Variants in SLC25A24 observed in about 807,000 individuals in gnomAD.
SLC25A24 encodes solute carrier family 25 member 24.
In SLC25A24, 49 loss-of-function variants were observed where a neutral mutation model predicts 60.7. The observed-to-expected ratio is 0.81, with a 90% CI of 0.64 to 1.02. SLC25A24 has a LOEUF of 1.02. Ranked by LOEUF, SLC25A24 falls within the 50% of genes least tolerant of loss-of-function variation. The pLI is 0.00. For synonymous variants in SLC25A24, 202 were observed against 200.6 expected, an observed-to-expected ratio of 1.01 and a Z score of -0.06; for missense variants, 564 against 586.3, an observed-to-expected ratio of 0.96 and a Z score of 0.39.
intron 1 of SLC25A24, among the ~76,000 whole-genome samples, chr1:108,186,820 A>C (rs1036089986): frequency 6.6e-6 from 1 of 151,942 alleles, no homozygotes; most frequent in African/African-American, 2.4e-5. Context: ...GCTCATTCCT[A>C]TAATCCCAGC....
Position 108,139,115 on chromosome 1 carries a change from A to C in SLC25A24, c.1192T>G (p.Cys398Gly). ...LLGCGALSST[C>G]GQLASYPLAL... is the part of the protein sequence containing the mutation. ...AATGGGTAGCTGGCCAGCTGACCAC[A>C]GGTGCTGGATAAGGCACCGCATCCC... The change falls in exon 9 of 10, where the codon TGT becomes GGT. Residue 398 changes from cysteine (C) to glycine (G), a missense_variant. By Grantham distance (159) the Cys-to-Gly change is radical (BLOSUM62 -3). Coordinates refer to ENST00000565488, the MANE Select transcript of SLC25A24 (RefSeq NM_013386.5). The C allele has an allele frequency of 6.2e-7, 1 of 1,610,278 alleles. No individual in the cohort carries two copies.
At chr1:108,159,983 C>T (rs1311217479) in intron 4 of SLC25A24, among the ~76,000 whole-genome samples, 1 of 152,156 alleles carries the variant, frequency 6.6e-6, no homozygotes, top group Non-Finnish European at 1.5e-5. Flanking sequence ...CTGTTGGGTA[C>T]ACCTCCCAGA....
At chr1:108,138,908 G>T in intron 9 of SLC25A24, 150 bp downstream of exon 9, 1 of 777,282 alleles carries the variant, frequency 1.3e-6, no homozygotes, top group Non-Finnish European at 1.9e-6. Flanking sequence ...AAGAATTTCT[G>T]AAAAGATTCC....
chr1:108,138,133 G>C (rs1023653570), intron 9 of SLC25A24, among the ~76,000 whole-genome samples: 10 of 152,336 alleles, frequency 6.6e-5, no homozygotes, highest in African/African-American at 2.4e-4. Context: ...TAACAAAAGA[G>C]GAGTTGGTTT....
intron 1 of SLC25A24, among the ~76,000 whole-genome samples, chr1:108,189,284 T>C (rs519129): frequency 0.73 from 111,314 of 152,080 alleles, 41,561 homozygotes; most frequent in African/African-American, 0.87. Flanking sequence ...TTTCACTCTC[T>C]ACAGTTTCAG....
chr1:108,145,564 T>C (rs1679565068), intron 7 of SLC25A24, among the ~76,000 whole-genome samples: 1 of 145,414 alleles, frequency 6.9e-6, no homozygotes, highest in African/African-American at 2.5e-5. Context: ...AAGACTTTAA[T>C]CTATCTTGAG....
chr1:108,183,607 T>G (rs1327293481), intron 2 of SLC25A24, among the ~76,000 whole-genome samples: 2 of 152,164 alleles, frequency 1.3e-5, no homozygotes, highest in African/African-American at 4.8e-5. Flanking sequence ...AACATTGAAT[T>G]TGGGGCAAAG....
At chr1:108,146,099 G>T (rs1679581387) in intron 7 of SLC25A24, among the ~76,000 whole-genome samples, 1 of 152,124 alleles carries the variant, frequency 6.6e-6, no homozygotes, top group Non-Finnish European at 1.5e-5. Context: ...TTGAGGAGTG[G>T]TTTGTAGTTC....
chr1:108,195,075 T>C (rs1648454702), intron 1 of SLC25A24, among the ~76,000 whole-genome samples: 2 of 152,238 alleles, frequency 1.3e-5, no homozygotes, highest in African/African-American at 2.4e-5. Context: ...CAAATATAGA[T>C]ACCTTGGTGG....
At chr1:108,185,441 A>G (rs1648086728) in intron 2 of SLC25A24, among the ~76,000 whole-genome samples, 1 of 152,226 alleles carries the variant, frequency 6.6e-6, no homozygotes, top group South Asian at 2.1e-4. Context: ...TTTAGATGAC[A>G]CAACTGTCAT....
chr1:108,154,877 T>C (rs1387403082), intron 6 of SLC25A24, 106 bp downstream of exon 6: 21 of 797,322 alleles, frequency 2.6e-5, no homozygotes, highest in Non-Finnish European at 4.1e-5. Context: ...TGTGAAAGAT[T>C]ATCATGTATT....
chr1:108,187,874 T>G (rs963343530), intron 1 of SLC25A24, among the ~76,000 whole-genome samples: 2 of 130,046 alleles, frequency 1.5e-5, no homozygotes, highest in African/African-American at 5.6e-5. Flanking sequence ...AACTCCTGTA[T>G]AAAATATTAG....
At chr1:108,170,766 C>T (rs1387144436) in intron 3 of SLC25A24, among the ~76,000 whole-genome samples, 1 of 151,588 alleles carries the variant, frequency 6.6e-6, no homozygotes, top group Non-Finnish European at 1.5e-5. Context: ...TTCAGTAAGA[C>T]TTTTATTTTG....
intron 3 of SLC25A24, among the ~76,000 whole-genome samples, chr1:108,168,033 TCATTTATTTATTGAATTA>T (rs1189316605): frequency 6.6e-6 from 1 of 152,202 alleles, no homozygotes; most frequent in Non-Finnish European, 1.5e-5. Flanking sequence ...AAGAAGGTGC[TCATTTATTTATTGAATTA>T]ATGGATGTCT....
chr1:108,164,450 A>T (rs1216889688), intron 3 of SLC25A24, among the ~76,000 whole-genome samples: 3 of 151,746 alleles, frequency 2.0e-5, no homozygotes, highest in Non-Finnish European at 1.5e-5. Context: ...TAAGCTATTG[A>T]TTATTGCCAC....
At chr1:108,159,843 GAA>G (rs1322687953) in intron 4 of SLC25A24, among the ~76,000 whole-genome samples, 10 of 151,296 alleles carry the variant, frequency 6.6e-5, no homozygotes, top group Admixed American at 3.3e-4. Context: ...AGAACAAAAT[GAA>G]AAGTCTCCCA....
chr1:108,169,605 TCTC>T (rs1411544815), intron 3 of SLC25A24, among the ~76,000 whole-genome samples: 1 of 152,200 alleles, frequency 6.6e-6, no homozygotes, highest in Admixed American at 6.5e-5. Context: ...GTTATAATGA[TCTC>T]CTAGAAAGGA....
intron 1 of SLC25A24, among the ~76,000 whole-genome samples, chr1:108,192,151 T>C (rs1429701083): frequency 7.2e-6 from 1 of 138,182 alleles, no homozygotes; most frequent in Non-Finnish European, 1.6e-5. Context: ...TTCTCTGAAC[T>C]GGGGAGGGCG....
intron 1 of SLC25A24, among the ~76,000 whole-genome samples, chr1:108,187,442 C>G (rs1648171571): frequency 6.6e-6 from 1 of 152,088 alleles, no homozygotes; most frequent in Non-Finnish European, 1.5e-5. Context: ...ACTCCTAAAA[C>G]TGGCAAATAA....
Sources: allele counts gnomAD v4.1 joint callset (sites outside exome capture counted in the v4.1 genomes callset), GRCh38; gene constraint gnomAD v4.1.1; transcripts MANE v1.5; gene names NCBI Gene and HGNC (gene_info 2026-07-23, HGNC 2026-07-21).